The following GALNT18 variants were observed in gnomAD, a reference collection of about 807,000 sequenced individuals.
The protein encoded by GALNT18 is GalNAc-transferase 18.
GALNT18 carries 44 observed loss-of-function variants against 69.5 expected under a neutral mutation model. That is an observed-to-expected ratio of 0.63 (90% CI 0.50 to 0.81). GALNT18 has a LOEUF of 0.81. Among genes scored for constraint, GALNT18 ranks in the 40% least tolerant of loss-of-function variants. The probability of loss-of-function intolerance (pLI) is 0.00; values close to 1 mark genes in which losing one functional copy is unlikely to be tolerated. For synonymous variants in GALNT18, 364 were observed against 318.2 expected (o/e 1.14, Z -1.53); for missense variants, 715 against 810.0 (o/e 0.88, Z 1.42).
intron 6 of GALNT18, among the ~76,000 whole-genome samples, chr11:11,368,593 T>C (rs1215705619): frequency 6.6e-6 from 1 of 152,180 alleles, no homozygotes. Flanking sequence ...TCCAGTTTCT[T>C]AATTTTATTC....
chr11:11,619,380 G>A lies in GALNT18; in HGVS notation c.235+1979C>T, dbSNP rs550157449. Among the ~76,000 whole-genome samples the A allele has an allele frequency of 1.6e-4, 25 of 152,198 alleles. No homozygotes were observed. The highest frequency in any genetic ancestry group is 1.4e-3 in the Admixed American group (22 of 15,302). ...AACAACACATAGTTATAAAGTTTCC[G>A]GGGAGAAAAATCACAATGCTTCCTT... On this transcript the variant is annotated intron_variant, in intron 1 of 10. Transcript: ENST00000227756. This position sits in a 1 kb window ranked among gnomAD's most constrained non-coding sequence, Gnocchi z 4.9.
Position 11,306,486 on chromosome 11 carries a change from C to CT in GALNT18, c.1513-13294dup, listed in dbSNP as rs754412220. On this transcript the variant is annotated intron_variant, in intron 9 of 10. Transcript: ENST00000227756. Reference sequence around the variant, plus strand: ...TCTATTTCACTTGCTCCAACACCATCTCCATCTCCATTTTCCTTGTCCCTG... The same window carrying CT: ...TCTATTTCACTTGCTCCAACACCATCTTCCATCTCCATTTTCCTTGTCCCTG... 2.6e-5 allele frequency among the ~76,000 whole-genome samples: 4 copies of CT among 152,204 alleles called. No individual in the cohort carries two copies. The South Asian group carries it at 8.3e-4, about 32-fold the overall frequency.
rs1215001557 is a variant in GALNT18, at chr11:11,387,827, T to C, written c.596-8563A>G. ...CTGATGAATGATGGTGAGCCTGGCT[T>C]GGGCAGCTGGGATCCCGGAGAGCTC... On this transcript the variant is annotated intron_variant, in intron 3 of 10. Transcript: ENST00000227756. The surrounding 1 kb of genome is among the most constrained non-coding windows in gnomAD (Gnocchi z 4.6). Among the ~76,000 whole-genome samples, 5 of 152,182 alleles carry C rather than the reference T, an allele frequency of 3.3e-5. No individual in the cohort carries two copies. Among genetic ancestry groups the C allele is most frequent in the African/African-American group, 7.2e-5 (3 of 41,454 alleles).
chr11:11,443,391 A>C (rs1436564295), intron 2 of GALNT18, among the ~76,000 whole-genome samples: 60 of 152,154 alleles, frequency 3.9e-4, no homozygotes, highest in Non-Finnish European at 5.9e-5. Context: ...TTTCACTTAC[A>C]CACAGTAAAA....
rs1859216616 is a variant in GALNT18, at chr11:11,586,055, A to G, written c.235+35304T>C. 1.3e-5 allele frequency among the ~76,000 whole-genome samples: 2 copies of G among 152,068 alleles called. No individual in the cohort carries two copies. Among genetic ancestry groups the G allele is most frequent in the Non-Finnish European group, 2.9e-5 (2 of 68,002 alleles). On this transcript the variant is annotated intron_variant, in intron 1 of 10. Coordinates refer to ENST00000227756, the MANE Select transcript of GALNT18 (RefSeq NM_198516.3). This position sits in a 1 kb window ranked among gnomAD's most constrained non-coding sequence, Gnocchi z 4.1. ...GGAACAAGAACGTGGTGGTCTGTGA[A>G]CCCGGCAGTGGGCCCTTACCAAATG...
rs1188384009 is a variant in GALNT18, at chr11:11,562,425, A to C, written c.235+58934T>G. On this transcript the variant is annotated intron_variant, in intron 1 of 10. Coordinates refer to ENST00000227756, the MANE Select transcript of GALNT18 (RefSeq NM_198516.3). This position sits in a 1 kb window ranked among gnomAD's most constrained non-coding sequence, Gnocchi z 4.1. ...TGTTCTATAAAGTTTCTATCTCCAA[A>C]TAAGGTTACATTCTGAGGTATTAGG... 8.6e-6 allele frequency among the ~76,000 whole-genome samples: 1 copy of C among 116,468 alleles called. No homozygotes were observed. The highest frequency in any genetic ancestry group is 2.4e-4 in the South Asian group (1 of 4,194). The allele number at this position is 116,468 out of a possible 152,430, so 76.4% of individuals were successfully genotyped here. A position where few individuals can be genotyped will look rare whatever the true frequency, so the allele number is the denominator to read the frequency against.
At chr11:11,474,665 A>C (rs976046130) in intron 1 of GALNT18, among the ~76,000 whole-genome samples, 8 of 152,232 alleles carry the variant, frequency 5.3e-5, no homozygotes, top group African/African-American at 1.7e-4. Flanking sequence ...AAGTTAAGTA[A>C]AGGTGGATTC....
chr11:11,322,600 T>A (rs977260488), intron 9 of GALNT18, among the ~76,000 whole-genome samples: 3 of 152,230 alleles, frequency 2.0e-5, no homozygotes, highest in Non-Finnish European at 4.4e-5. Context: ...GTGATAGTAC[T>A]ATACACCCAC....
At chr11:11,427,628 GAGGTTAAGAACACAC>G (rs1280409369) in intron 3 of GALNT18, among the ~76,000 whole-genome samples, 2 of 152,194 alleles carry the variant, frequency 1.3e-5, no homozygotes, top group African/African-American at 4.8e-5. Context: ...AGGGTTCGCA[GAGGTTAAGAACACAC>G]AGGTAGCACA....
chr11:11,408,929 A>G (rs1747468605), intron 3 of GALNT18, among the ~76,000 whole-genome samples: 1 of 152,294 alleles, frequency 6.6e-6, no homozygotes, highest in East Asian at 1.9e-4. Context: ...GTGAGCCCAG[A>G]TGATCAGGCT....
intron 10 of GALNT18, among the ~76,000 whole-genome samples, chr11:11,288,800 A>G (rs1367280356): frequency 2.6e-5 from 4 of 152,200 alleles, no homozygotes; most frequent in Non-Finnish European, 5.9e-5. Flanking sequence ...TTATTTGTTA[A>G]GCAGAAAATC....
chr11:11,620,330 C>T lies in GALNT18; in HGVS notation c.235+1029G>A, dbSNP rs772259215. Among the ~76,000 whole-genome samples the T allele has an allele frequency of 0.04, 5,192 of 130,826 alleles. 273 individuals are homozygous for T. The highest frequency in any genetic ancestry group is 0.13 in the African/African-American group (4,770 of 37,212). The allele number at this position is 130,826 out of a possible 152,430, so 85.8% of individuals were successfully genotyped here. A position where few individuals can be genotyped will look rare whatever the true frequency, so the allele number is the denominator to read the frequency against. The stretch of plus-strand genomic sequence containing the variant: ...GTGTGGACGTGAGCGCGCGCGCGCG[C>T]GCGTGTGTGTGTGTGTGTGCACACC... On this transcript the variant is annotated intron_variant, in intron 1 of 10. Transcript: ENST00000227756. This position sits in a 1 kb window ranked among gnomAD's most constrained non-coding sequence, Gnocchi z 6.9.
intron 1 of GALNT18, among the ~76,000 whole-genome samples, chr11:11,594,361 A>G (rs1163726293): frequency 6.6e-6 from 1 of 152,194 alleles, no homozygotes; most frequent in Non-Finnish European, 1.5e-5. Flanking sequence ...GGTACAATTC[A>G]ATGGTTTTTA....
intron 9 of GALNT18, among the ~76,000 whole-genome samples, chr11:11,313,953 G>T (rs1331639880): frequency 6.6e-6 from 1 of 152,202 alleles, no homozygotes; most frequent in East Asian, 1.9e-4. Flanking sequence ...ATATTACTGA[G>T]CCCAGTTCTG....
At chr11:11,303,217 G>A (rs1029266316) in intron 9 of GALNT18, among the ~76,000 whole-genome samples, 11 of 152,086 alleles carry the variant, frequency 7.2e-5, no homozygotes, top group Non-Finnish European at 1.5e-5. Context: ...AACCAATGGT[G>A]GATGGAAGCT....
chr11:11,295,405 C>T (rs772164277), intron 9 of GALNT18, among the ~76,000 whole-genome samples: 26 of 152,086 alleles, frequency 1.7e-4, no homozygotes, highest in Non-Finnish European at 1.8e-4. Flanking sequence ...AGTACCCCTA[C>T]GCCCAGTGGA....
chr11:11,457,842 T>C (rs1341235461), intron 1 of GALNT18, among the ~76,000 whole-genome samples: 1 of 152,242 alleles, frequency 6.6e-6, no homozygotes, highest in African/African-American at 2.4e-5. Context: ...GGGCTAGCTT[T>C]TGTCCTGCAG....
chr11:11,363,929 G>C (rs1224085284), intron 6 of GALNT18, among the ~76,000 whole-genome samples: 1 of 150,794 alleles, frequency 6.6e-6, no homozygotes, highest in Non-Finnish European at 1.5e-5. Flanking sequence ...ATGTCAACAG[G>C]CTCCCAATGG....
Position 11,415,232 on chromosome 11 carries a change from C to A in GALNT18, c.595+17389G>T, listed in dbSNP as rs570743371. On this transcript the variant is annotated intron_variant, in intron 3 of 10. Coordinates refer to ENST00000227756, the MANE Select transcript of GALNT18 (RefSeq NM_198516.3). This position sits in a 1 kb window ranked among gnomAD's most constrained non-coding sequence, Gnocchi z 4.1. ...TCAGGCCCAACCAACCGATTGGGGACCTTAATTACGTCAGCCAATTCCCCT... is the reference window on the plus strand; with the variant it reads ...TCAGGCCCAACCAACCGATTGGGGAACTTAATTACGTCAGCCAATTCCCCT... 6.6e-6 allele frequency among the ~76,000 whole-genome samples: 1 copy of A among 152,176 alleles called. No individual in the cohort carries two copies. The highest frequency in any genetic ancestry group is 2.1e-4 in the South Asian group (1 of 4,814).
Sources: gnomAD v4.1 joint callset for allele counts (sites outside exome capture counted in the v4.1 genomes callset) on GRCh38, gnomAD v4.1.1 for gene constraint, Gnocchi (gnomAD v3.1) non-coding constraint, MANE v1.5 for transcripts, NCBI Gene and HGNC (gene_info 2026-07-23, HGNC 2026-07-21) for gene names.